The following EPHA6 variants were observed in gnomAD, a reference collection of about 807,000 sequenced individuals.
The protein encoded by EPHA6 is ephrin type-A receptor 6.
A neutral mutation model predicts 112.0 loss-of-function variants in EPHA6; 50 were observed. The ratio of observed to expected loss-of-function variants is 0.45; its 90% CI spans 0.36 to 0.56. The LOEUF (loss-of-function observed/expected upper bound fraction) is 0.56, where lower values mean the gene tolerates loss of function less well. Ranked by LOEUF, EPHA6 falls within the 20% of genes least tolerant of loss-of-function variation. EPHA6 has a pLI of 0.00. For missense variants in EPHA6, 1,280 were observed against 1,417.4 expected (o/e 0.90, Z 1.56); for synonymous variants, 529 against 490.7 (o/e 1.08, Z -1.03).
At chr3:96,987,244 G>T in intron 2 of EPHA6, 86 bp from the exon 3 acceptor site, 2 of 1,207,792 alleles carry the variant, frequency 1.7e-6, no homozygotes, top group Non-Finnish European at 1.2e-6. Context: ...TTTTTATTTT[G>T]GTAAAACAAA....
At chr3:97,230,049 C>T (rs2078479469) in intron 4 of EPHA6, among the ~76,000 whole-genome samples, 1 of 152,078 alleles carries the variant, frequency 6.6e-6, no homozygotes, top group African/African-American at 2.4e-5. Flanking sequence ...GTATGGACAA[C>T]ATACTACAGT....
At chr3:97,095,786 C>G (rs1430534387) in intron 3 of EPHA6, among the ~76,000 whole-genome samples, 2 of 151,312 alleles carry the variant, frequency 1.3e-5, no homozygotes, top group African/African-American at 4.9e-5. Flanking sequence ...AACAAGCAAA[C>G]AAAAAAACAT....
chr3:97,566,981 T>C (rs1052297176), intron 11 of EPHA6, among the ~76,000 whole-genome samples: 6 of 152,126 alleles, frequency 3.9e-5, no homozygotes, highest in Admixed American at 3.9e-4. Flanking sequence ...CCCTACCAAA[T>C]AGAAACCACA....
At chr3:96,833,384 G>T (rs1450703406) in intron 1 of EPHA6, among the ~76,000 whole-genome samples, 2 of 151,790 alleles carry the variant, frequency 1.3e-5, no homozygotes, top group Non-Finnish European at 2.9e-5. Context: ...GCCTTCAGAA[G>T]AAACTAACTC....
chr3:96,846,061 G>C (rs150848925), intron 1 of EPHA6, among the ~76,000 whole-genome samples: 2 of 152,080 alleles, frequency 1.3e-5, no homozygotes, highest in Non-Finnish European at 2.9e-5. Flanking sequence ...TGCCTGTTGT[G>C]AGCCAAATGG....
intron 3 of EPHA6, among the ~76,000 whole-genome samples, chr3:97,137,308 C>T (rs571146564): frequency 1.3e-5 from 2 of 152,240 alleles, no homozygotes; most frequent in South Asian, 4.1e-4. Flanking sequence ...TTGTACTCCT[C>T]CTGCCCCAGA....
chr3:97,023,444 C>T (rs945626480), intron 3 of EPHA6, among the ~76,000 whole-genome samples: 1 of 151,960 alleles, frequency 6.6e-6, no homozygotes, highest in African/African-American at 2.4e-5. Context: ...TTGTCCCTAA[C>T]CAGAATATTA....
At chr3:97,579,106 T>G (rs928329957) in intron 11 of EPHA6, among the ~76,000 whole-genome samples, 3 of 152,230 alleles carry the variant, frequency 2.0e-5, no homozygotes, top group African/African-American at 7.2e-5. Flanking sequence ...AAATCTATAC[T>G]TAAATACAAA....
chr3:96,911,528 A>T (rs1203715010), intron 2 of EPHA6, among the ~76,000 whole-genome samples: 2 of 152,070 alleles, frequency 1.3e-5, no homozygotes, highest in African/African-American at 4.8e-5. Flanking sequence ...ACAGTAGGGA[A>T]TGTGACCTTT....
At chr3:96,861,522 CA>C (rs747111820) in intron 1 of EPHA6, among the ~76,000 whole-genome samples, 4 of 151,946 alleles carry the variant, frequency 2.6e-5, no homozygotes, top group Non-Finnish European at 4.4e-5. Context: ...TACTCTCTAG[CA>C]GAGTAGAAAA....
intron 2 of EPHA6, among the ~76,000 whole-genome samples, chr3:96,939,718 C>G (rs529937949): frequency 6.6e-6 from 1 of 152,250 alleles, no homozygotes; most frequent in African/African-American, 2.4e-5. Context: ...TAGGATCTTT[C>G]TTGTTTCTCT....
At chr3:97,485,580 G>A (rs1463914875) in intron 10 of EPHA6, among the ~76,000 whole-genome samples, 1 of 152,130 alleles carries the variant, frequency 6.6e-6, no homozygotes, top group Non-Finnish European at 1.5e-5. Context: ...GGGCCTTTAT[G>A]TTCATAATCT....
At chr3:97,197,296 C>T (rs77377106) in intron 3 of EPHA6, among the ~76,000 whole-genome samples, 21,703 of 151,966 alleles carry the variant, frequency 0.14, 2,035 homozygotes, top group Non-Finnish European at 0.22. Flanking sequence ...CTGAAGTCAG[C>T]GTGGCCCTGG....
At chr3:97,318,726 A>T (rs2081962464) in intron 5 of EPHA6, among the ~76,000 whole-genome samples, 1 of 151,992 alleles carries the variant, frequency 6.6e-6, no homozygotes, top group African/African-American at 2.4e-5. Context: ...AATATTCTTT[A>T]TGATAACATG....
chr3:97,371,202 T>A (rs1366655626), intron 5 of EPHA6, among the ~76,000 whole-genome samples: 3 of 152,112 alleles, frequency 2.0e-5, no homozygotes, highest in Admixed American at 1.3e-4. Context: ...GATGCAAGCT[T>A]TATGTTTTTA....
At chr3:97,741,133 T>A (rs2035489301) in intron 16 of EPHA6, among the ~76,000 whole-genome samples, 1 of 152,022 alleles carries the variant, frequency 6.6e-6, no homozygotes, top group African/African-American at 2.4e-5. Context: ...GCAGGATCAC[T>A]TGAAGCCAGG....
intron 6 of EPHA6, among the ~76,000 whole-genome samples, chr3:97,435,305 A>C (rs2089764189): frequency 6.6e-6 from 1 of 152,212 alleles, no homozygotes; most frequent in Non-Finnish European, 1.5e-5. Flanking sequence ...GGGTCAAAAC[A>C]AATTTATTAA....
At chr3:97,605,623 C>G (rs911350218) in intron 12 of EPHA6, among the ~76,000 whole-genome samples, 2 of 151,598 alleles carry the variant, frequency 1.3e-5, no homozygotes, top group Non-Finnish European at 3.0e-5. Context: ...GTTTTTGTAC[C>G]AGTACCCTGC....
At chr3:97,699,785 C>T (rs1288007523) in intron 14 of EPHA6, among the ~76,000 whole-genome samples, 1 of 152,242 alleles carries the variant, frequency 6.6e-6, no homozygotes, top group Non-Finnish European at 1.5e-5. Context: ...TTAACCACTA[C>T]TTCCCTTATG....
Sources: allele counts gnomAD v4.1 joint callset (sites outside exome capture counted in the v4.1 genomes callset), GRCh38; gene constraint gnomAD v4.1.1; transcripts MANE v1.5; gene names NCBI Gene and HGNC (gene_info 2026-07-23, HGNC 2026-07-21).